CDKAL1: variants seen among roughly 807,000 people sequenced by gnomAD.
The protein encoded by CDKAL1 is threonylcarbamoyladenosine tRNA methylthiotransferase.
Under a neutral mutation model 68.2 loss-of-function variants are expected in CDKAL1, and 32 were observed. The ratio of observed to expected loss-of-function variants is 0.47; its 90% confidence interval spans 0.35 to 0.63. The LOEUF is 0.63. Among genes scored for constraint, CDKAL1 ranks in the 30% least tolerant of loss-of-function variants. The pLI, the probability that CDKAL1 is intolerant of heterozygous loss-of-function variation, is 0.00. For synonymous variants in CDKAL1, 234 were observed against 244.3 expected, an observed-to-expected ratio of 0.96 and a Z score of 0.39; for missense variants, 606 against 696.7, an observed-to-expected ratio of 0.87 and a Z score of 1.47.
intron 12 of CDKAL1, among the ~76,000 whole-genome samples, chr6:21,108,010 G>A (rs893382600): frequency 6.6e-6 from 1 of 152,194 alleles, no homozygotes; most frequent in Admixed American, 6.5e-5. Flanking sequence ...GCATGTCTGT[G>A]CCCAATTCTG....
At chr6:20,668,952 T>C (rs982103926) in intron 5 of CDKAL1, among the ~76,000 whole-genome samples, 3 of 152,198 alleles carry the variant, frequency 2.0e-5, no homozygotes, top group African/African-American at 7.2e-5. Context: ...ATCAAGAATA[T>C]AGGAGTGGTC....
intron 9 of CDKAL1, among the ~76,000 whole-genome samples, chr6:20,848,611 A>G (rs574084703): frequency 6.6e-6 from 1 of 152,296 alleles, no homozygotes; most frequent in East Asian, 1.9e-4. Flanking sequence ...GATTACTCTT[A>G]TTAACATCAG....
At chr6:20,859,909 T>C (rs1328536333) in intron 9 of CDKAL1, among the ~76,000 whole-genome samples, 1 of 152,142 alleles carries the variant, frequency 6.6e-6, no homozygotes, top group Non-Finnish European at 1.5e-5. Flanking sequence ...TTTCCTTGAG[T>C]GGTTTTTCCT....
chr6:21,043,330 T>C (rs1770037086), intron 11 of CDKAL1, among the ~76,000 whole-genome samples: 1 of 138,246 alleles, frequency 7.2e-6, no homozygotes, highest in Non-Finnish European at 1.6e-5. Flanking sequence ...TATATGTGTG[T>C]GTATGTGTGT....
At chr6:21,095,779 T>G (rs1042040377) in intron 12 of CDKAL1, among the ~76,000 whole-genome samples, 27 of 152,322 alleles carry the variant, frequency 1.8e-4, no homozygotes, top group African/African-American at 6.5e-4. Context: ...AGCTGTATAT[T>G]AAATTGCTTT....
At chr6:20,534,774 G>T (rs1418933427) in intron 1 of CDKAL1, among the ~76,000 whole-genome samples, 200 bp downstream of exon 1, 2 of 152,146 alleles carry the variant, frequency 1.3e-5, no homozygotes, top group Non-Finnish European at 2.9e-5. Context: ...GTTGGCCTCA[G>T]GTGCCGCTCT....
chr6:20,880,645 T>C (rs1302068916), intron 9 of CDKAL1, among the ~76,000 whole-genome samples: 1 of 152,192 alleles, frequency 6.6e-6, no homozygotes, highest in African/African-American at 2.4e-5. Flanking sequence ...TTGTGATTTA[T>C]AAATTTCTCT....
chr6:20,626,774 A>G (rs1460295125), intron 4 of CDKAL1, among the ~76,000 whole-genome samples: 1 of 152,040 alleles, frequency 6.6e-6, no homozygotes, highest in Non-Finnish European at 1.5e-5. Flanking sequence ...TGTAGGCATC[A>G]CCTTTCTGTT....
At chr6:20,614,865 A>G (rs529195392) in intron 4 of CDKAL1, among the ~76,000 whole-genome samples, 9 of 150,764 alleles carry the variant, frequency 6.0e-5, no homozygotes, top group Admixed American at 1.3e-4. Flanking sequence ...TGCCATGCTG[A>G]TGCGCTGCAC....
chr6:21,134,737 A>G (rs1158489639), intron 13 of CDKAL1, among the ~76,000 whole-genome samples: 1 of 152,158 alleles, frequency 6.6e-6, no homozygotes, highest in Non-Finnish European at 1.5e-5. Context: ...TCTATGAGCA[A>G]TACCAACAGA....
chr6:21,111,097 T>C (rs2150995207), intron 13 of CDKAL1, among the ~76,000 whole-genome samples: 1 of 152,350 alleles, frequency 6.6e-6, no homozygotes, highest in Middle Eastern at 3.4e-3. Flanking sequence ...TATTTTATTC[T>C]GCATTTTTCT....
At chr6:21,083,111 T>C (rs1011280940) in intron 12 of CDKAL1, among the ~76,000 whole-genome samples, 2 of 152,084 alleles carry the variant, frequency 1.3e-5, no homozygotes, top group African/African-American at 4.8e-5. Context: ...AGTGATCCAC[T>C]TGCTTCGGCC....
intron 5 of CDKAL1, among the ~76,000 whole-genome samples, chr6:20,726,203 C>G (rs1035108104): frequency 6.6e-6 from 1 of 152,078 alleles, no homozygotes; most frequent in African/African-American, 2.4e-5. Context: ...CACAACCCCC[C>G]AGACAGTTCT....
intron 13 of CDKAL1, among the ~76,000 whole-genome samples, chr6:21,180,438 G>A (rs1582368878): frequency 6.7e-6 from 1 of 150,026 alleles, no homozygotes; most frequent in East Asian, 2.0e-4. Flanking sequence ...CAGCAGGCTT[G>A]TTTTAAGTCA....
intron 4 of CDKAL1, among the ~76,000 whole-genome samples, chr6:20,607,808 C>G (rs148933042): frequency 2.0e-5 from 3 of 152,062 alleles, no homozygotes; most frequent in African/African-American, 7.2e-5. Flanking sequence ...AATTCTCCTG[C>G]CTCAGCCTCC....
At chr6:21,214,707 A>G (rs1779280867) in intron 15 of CDKAL1, among the ~76,000 whole-genome samples, 1 of 152,018 alleles carries the variant, frequency 6.6e-6, no homozygotes, top group African/African-American at 2.4e-5. Flanking sequence ...TATTTTCTCC[A>G]TGGCACATTT....
At chr6:20,625,367 C>T (rs1561976952) in intron 4 of CDKAL1, among the ~76,000 whole-genome samples, 1 of 152,006 alleles carries the variant, frequency 6.6e-6, no homozygotes, top group Non-Finnish European at 1.5e-5. Context: ...AATACGCATC[C>T]ATTTTGCATT....
chr6:20,915,399 T>G (rs554579586), intron 9 of CDKAL1, among the ~76,000 whole-genome samples: 1 of 152,288 alleles, frequency 6.6e-6, no homozygotes, highest in South Asian at 2.1e-4. Context: ...GGCTGGAAAT[T>G]TCACCAGGAG....
At chr6:20,546,622 C>A in intron 3 of CDKAL1, 99 bp downstream of exon 3, 2 of 875,706 alleles carry the variant, frequency 2.3e-6, no homozygotes, top group Non-Finnish European at 3.4e-6. Context: ...GGTGTGATCT[C>A]GGTTCACTGC....
Sources: gnomAD v4.1 joint callset for allele counts (sites outside exome capture counted in the v4.1 genomes callset) on GRCh38, gnomAD v4.1.1 for gene constraint, MANE v1.5 for transcripts, NCBI Gene and HGNC (gene_info 2026-07-23, HGNC 2026-07-21) for gene names.